The following SYNE1 variants were observed in gnomAD, a reference collection of about 807,000 sequenced individuals.
SYNE1 encodes nesprin-1.
SYNE1 carries 616 observed loss-of-function variants against 1,111.0 expected under a neutral mutation model. The observed-to-expected ratio is 0.55, with a 90% CI of 0.52 to 0.59. The LOEUF (loss-of-function observed/expected upper bound fraction) is 0.59, where lower values mean the gene tolerates loss of function less well. Ranked by LOEUF, SYNE1 falls within the 20% of genes least tolerant of loss-of-function variation. The pLI, the probability that SYNE1 is intolerant of heterozygous loss-of-function variation, is 0.00. For missense variants in SYNE1, 10,006 were observed against 10,417.0 expected (o/e 0.96, Z 1.72); for synonymous variants, 3,855 against 3,825.8 (o/e 1.01, Z -0.28).
chr6:152,195,519 C>A (rs980738194), intron 127 of SYNE1, among the ~76,000 whole-genome samples: 1 of 152,220 alleles, frequency 6.6e-6, no homozygotes, highest in Non-Finnish European at 1.5e-5. Flanking sequence ...TCATGGGGCA[C>A]CCCAAGCCCA....
At position 152,350,338 on chromosome 6, in the gene SYNE1, G is replaced by A; in HGVS notation, c.11734-3C>T. 6.2e-7 allele frequency: 1 copy of A among 1,614,066 alleles called. No individual in the cohort carries two copies. The highest frequency in any genetic ancestry group is 8.5e-7 in the Non-Finnish European group (1 of 1,180,022). ...GCCTCCAGACTGAAGACATGCTCCT[G>A]CAAAACCAGGTGTCCATCAGAGATG... On this transcript the variant is annotated splice_polypyrimidine_tract_variant and splice_region_variant and intron_variant, in intron 71 of 145. Coordinates refer to ENST00000367255, the MANE Select transcript of SYNE1 (RefSeq NM_182961.4).
intron 3 of SYNE1, among the ~76,000 whole-genome samples, chr6:152,572,416 A>G (rs1178424175): frequency 3.9e-5 from 6 of 152,158 alleles, no homozygotes; most frequent in African/African-American, 9.7e-5. Context: ...GCTTTTTGTA[A>G]AAGTGCTCAT....
chr6:152,604,315 C>A lies in SYNE1; in HGVS notation c.67+23950G>T, dbSNP rs113321695. Among the ~76,000 whole-genome samples the A allele has an allele frequency of 2.8e-4, 42 of 151,658 alleles. 1 individual carries two copies. The Middle Eastern group carries it at 0.01, about 37-fold the overall frequency. On this transcript the variant is annotated intron_variant, in intron 3 of 145. Coordinates refer to ENST00000367255, the MANE Select transcript of SYNE1 (RefSeq NM_182961.4). The stretch of plus-strand genomic sequence containing the variant: ...GAAATTAAGCTTTATTTATTTATTT[C>A]TTTTTGAGACAGGGTCTCACTCTGT...
At chr6:152,326,192 G>C (rs947983393) in intron 79 of SYNE1, 90 bp from the exon 80 acceptor site, 1 of 1,611,794 alleles carries the variant, frequency 6.2e-7, no homozygotes, top group Non-Finnish European at 8.5e-7. Flanking sequence ...ATGATACTCA[G>C]GGAAAAATGA....
chr6:152,165,025 T>C (rs1023308461), intron 130 of SYNE1, among the ~76,000 whole-genome samples: 3 of 152,216 alleles, frequency 2.0e-5, no homozygotes, highest in Admixed American at 6.5e-5. Flanking sequence ...CAATAGAATG[T>C]TCTCAAAGAT....
chr6:152,355,201 C>A (rs538396872), intron 66 of SYNE1, among the ~76,000 whole-genome samples: 155 of 152,212 alleles, frequency 1.0e-3, no homozygotes, highest in African/African-American at 3.6e-3. Flanking sequence ...CACACACACA[C>A]CCCAATATTT....
Position 152,472,294 on chromosome 6 carries a change from C to T in SYNE1, c.1463+7G>A. The T allele has an allele frequency of 6.2e-7, 1 of 1,606,284 alleles. No individual in the cohort carries two copies. The highest frequency in any genetic ancestry group is 8.5e-7 in the Non-Finnish European group (1 of 1,173,010). On this transcript the variant is annotated splice_region_variant and intron_variant, in intron 15 of 145. Coordinates refer to ENST00000367255, the MANE Select transcript of SYNE1 (RefSeq NM_182961.4). The stretch of plus-strand genomic sequence containing the variant: ...GAGACTTCCTTTAAATGCAGATATT[C>T]TCTTACCTCTCGGCCATGTCCTCTA...
At chr6:152,479,382 T>C (rs1417511610) in intron 14 of SYNE1, among the ~76,000 whole-genome samples, 1 of 152,190 alleles carries the variant, frequency 6.6e-6, no homozygotes, top group Non-Finnish European at 1.5e-5. Context: ...AATGGCTACT[T>C]TCATGATTCC....
intron 144 of SYNE1, 94 bp downstream of exon 144, chr6:152,132,028 A>T: frequency 8.7e-7 from 1 of 1,153,372 alleles, no homozygotes; most frequent in South Asian, 1.2e-5. Context: ...TCTGGAGGGG[A>T]CGCCTGCCTG....
chr6:152,535,922 C>A (rs1476178183), intron 4 of SYNE1, among the ~76,000 whole-genome samples: 1 of 152,068 alleles, frequency 6.6e-6, no homozygotes. Context: ...AACATAACTT[C>A]TTTGCCTAAA....
At chr6:152,222,106 A>G (rs7768921) in intron 117 of SYNE1, among the ~76,000 whole-genome samples, 67,883 of 151,978 alleles carry the variant, frequency 0.45, 15,704 homozygotes, top group East Asian at 0.67. Context: ...TAGCCAACTG[A>G]GGTCAGTTTA....
At chr6:152,493,176 C>G (rs1162498124) in intron 11 of SYNE1, among the ~76,000 whole-genome samples, 2 of 152,044 alleles carry the variant, frequency 1.3e-5, no homozygotes, top group Non-Finnish European at 2.9e-5. Flanking sequence ...ATCTAATCAT[C>G]CTTACCCTGC....
rs370250354 is a variant in SYNE1 at position 152,369,477 on chromosome 6, C to T, written c.9645G>A (p.Lys3215=). 2 of 1,614,028 alleles carry T rather than the reference C, an allele frequency of 1.2e-6. No homozygotes were observed. The highest frequency in any genetic ancestry group is 2.7e-5 in the African/African-American group (2 of 74,918). ...GGGGAGGCGGGCTCATCACCTGGAG[C>T]TTCTGCTGCTCCCTCCTCTTTGCTG... ...DLPAKRREQQ[K]LQSVLEEIHC... The change falls in exon 60 of 146, where the codon AAG becomes AAA. Residue 3215 remains lysine, a synonymous_variant. Coordinates refer to ENST00000367255, the MANE Select transcript of SYNE1 (RefSeq NM_182961.4).
chr6:152,333,896 G>A (rs2096312496), intron 77 of SYNE1, 112 bp downstream of exon 77: 1 of 1,445,928 alleles, frequency 6.9e-7, no homozygotes, highest in Admixed American at 1.7e-5. Context: ...GCCTCCTAAA[G>A]TGCTGGGATT....
chr6:152,450,354 T>C (rs1377234948), intron 27 of SYNE1, among the ~76,000 whole-genome samples: 1 of 152,148 alleles, frequency 6.6e-6, no homozygotes, highest in African/African-American at 2.4e-5. Context: ...TATGTCTTTA[T>C]TAGCAAAGTG....
intron 106 of SYNE1, among the ~76,000 whole-genome samples, chr6:152,244,215 C>T (rs1161612301): frequency 6.6e-6 from 1 of 152,006 alleles, no homozygotes; most frequent in Non-Finnish European, 1.5e-5. Context: ...TTAAATTTTT[C>T]TAGGTAGGAT....
intron 38 of SYNE1, 126 bp downstream of exon 38, chr6:152,427,567 T>G: frequency 8.6e-7 from 1 of 1,157,812 alleles, no homozygotes; most frequent in Non-Finnish European, 1.3e-6. Flanking sequence ...TGTCAAATGA[T>G]GCTTCAGGAA....
chr6:152,502,712 G>C lies in SYNE1; in HGVS notation c.809C>G (p.Ser270Cys), dbSNP rs2099036319. 2 of 1,613,628 alleles carry C rather than the reference G, an allele frequency of 1.2e-6. 1 individual carries two copies. Among genetic ancestry groups the C allele is most frequent in the Non-Finnish European group, 1.7e-6 (2 of 1,179,748 alleles). Reference sequence around the variant, plus strand: ...AAACTGGGCTACATAGGTCATAATAGATTTCTCATCTGGTTTATCCACATC... The same window carrying C: ...AAACTGGGCTACATAGGTCATAATACATTTCTCATCTGGTTTATCCACATC... ...DVDVDKPDEKSIMTYVAQFLK... is the reference protein window; with the variant it reads ...DVDVDKPDEKCIMTYVAQFLK... Residue 270 changes from serine (S) to cysteine (C), a missense_variant, in exon 10 of 146, where the codon TCT (serine) becomes TGT (cysteine). Coordinates refer to ENST00000367255, the MANE Select transcript of SYNE1 (RefSeq NM_182961.4).
rs1415987813 is a variant in SYNE1 at position 152,316,807 on chromosome 6, T to G, written c.16710+42A>C. ...GTCAGTCTACCCAGTTAAATCAAATTGCCCTTGGTTACTTTTTAAAGATTA... is the reference window on the plus strand; with the variant it reads ...GTCAGTCTACCCAGTTAAATCAAATGGCCCTTGGTTACTTTTTAAAGATTA... On this transcript the variant is annotated intron_variant, in intron 87 of 145. Transcript: ENST00000367255. 1.9e-6 allele frequency: 3 copies of G among 1,612,022 alleles called. No individual in the cohort carries two copies. The East Asian group carries it at 6.7e-5, about 36-fold the overall frequency.
Sources: allele counts gnomAD v4.1 joint callset (sites outside exome capture counted in the v4.1 genomes callset), GRCh38; gene constraint gnomAD v4.1.1; transcripts MANE v1.5; gene names NCBI Gene and HGNC (gene_info 2026-07-23, HGNC 2026-07-21).